Variants in ASCC2 observed in about 807,000 individuals in gnomAD.
ASCC2 encodes activating signal cointegrator 1 complex subunit 2, also known as ASC-1 complex subunit P100.
In ASCC2, 42 loss-of-function variants were observed where a neutral mutation model predicts 93.5. The observed-to-expected ratio is 0.45, with a 90% confidence interval of 0.35 to 0.58. The LOEUF (loss-of-function observed/expected upper bound fraction) is 0.58. ASCC2 is among the 20% of genes least tolerant of loss of function. ASCC2 has a pLI of 0.00. For synonymous variants in ASCC2, 364 were observed against 384.2 expected (o/e 0.95, Z 0.62); for missense variants, 859 against 977.6 (o/e 0.88, Z 1.62).
chr22:29,789,316 A>G, intron 19 of ASCC2, 132 bp from the exon 20 acceptor site: 1 of 1,081,952 alleles, frequency 9.2e-7, no homozygotes, highest in Non-Finnish European at 1.4e-6. Flanking sequence ...TCCCAACTTC[A>G]GATGGAAGGA....
rs771531535 is a variant in ASCC2, at chr22:29,802,216, G to A, written c.1354-8C>T. On this transcript the variant is annotated splice_region_variant and splice_polypyrimidine_tract_variant and intron_variant, in intron 13 of 19. Coordinates refer to ENST00000307790, the MANE Select transcript of ASCC2 (RefSeq NM_032204.5). ...CGCGGCTGCTCCCATGCACTGTAGT[G>A]AGAGCCAGAGCCAAGAAGGGGAAGG... The A allele has an allele frequency of 3.1e-6, 5 of 1,613,622 alleles. No individual in the cohort carries two copies. In the Admixed American group the frequency reaches 5.0e-5, roughly 16 times the overall value.
intron 15 of ASCC2, among the ~76,000 whole-genome samples, chr22:29,793,901 GTT>G (rs1266418835): frequency 6.4e-5 from 9 of 140,094 alleles, no homozygotes; most frequent in Middle Eastern, 3.3e-3. Flanking sequence ...AAGAGCCACT[GTT>G]TTTTTTTTTT....
chr22:29,824,150 C>T (rs2061969582), intron 4 of ASCC2, among the ~76,000 whole-genome samples: 1 of 151,760 alleles, frequency 6.6e-6, no homozygotes, highest in Admixed American at 6.6e-5. Flanking sequence ...GATTGCGCCA[C>T]TGCACTCCAG....
chr22:29,827,505 G>A, intron 2 of ASCC2: 1 of 462,330 alleles, frequency 2.2e-6, no homozygotes, highest in South Asian at 1.6e-5. Context: ...GAGCCTGTGG[G>A]TACCACAAGG....
chr22:29,827,948 GACACAC>G (rs5844874), intron 2 of ASCC2, among the ~76,000 whole-genome samples: 26,333 of 74,290 alleles, frequency 0.35, 7,539 homozygotes, highest in East Asian at 0.58. Flanking sequence ...TCATTCTTCT[GACACAC>G]ACACACACAC....
intron 2 of ASCC2, among the ~76,000 whole-genome samples, chr22:29,828,692 A>G (rs1453522367): frequency 2.6e-5 from 4 of 151,920 alleles, no homozygotes; most frequent in African/African-American, 4.8e-5. Context: ...ACCTCTCTAT[A>G]CCACTTGAAC....
chr22:29,827,410 T>C lies in ASCC2; in HGVS notation c.82-1630A>G, dbSNP rs547329327. ...TCCAGGTCTGTTGATCCAGGGGATA[T>C]AGAAAAATTGAGACTGATAAGAGGT... On this transcript the variant is annotated intron_variant, in intron 2 of 19. Transcript: ENST00000307790. The C allele has an allele frequency of 2.4e-5, 8 of 332,186 alleles. No individual in the cohort carries two copies. In the East Asian group the frequency reaches 4.4e-4, roughly 18 times the overall value. 20.6% of individuals were successfully genotyped at this position (332,186 alleles called of 1,614,324 possible). A position where few individuals can be genotyped will look rare whatever the true frequency, so the allele number is the denominator to read the frequency against.
At chr22:29,836,941 C>T (rs2063869310) in intron 1 of ASCC2, among the ~76,000 whole-genome samples, 1 of 152,236 alleles carries the variant, frequency 6.6e-6, no homozygotes, top group South Asian at 2.1e-4. Context: ...TCCTGCCCTT[C>T]ACAGAGCTTA....
chr22:29,822,698 C>T (rs2061716392), intron 4 of ASCC2, among the ~76,000 whole-genome samples: 1 of 143,086 alleles, frequency 7.0e-6, no homozygotes, highest in African/African-American at 2.6e-5. Flanking sequence ...ACTTTTACAA[C>T]TGGCTGTATT....
At chr22:29,811,702 G>A (rs1374076706) in intron 8 of ASCC2, among the ~76,000 whole-genome samples, 2 of 152,210 alleles carry the variant, frequency 1.3e-5, no homozygotes, top group Non-Finnish European at 2.9e-5. Flanking sequence ...ACCCTGAGAT[G>A]GGTATAGCTT....
intron 8 of ASCC2, among the ~76,000 whole-genome samples, chr22:29,812,812 G>A (rs1479839434): frequency 6.6e-6 from 1 of 151,896 alleles, no homozygotes; most frequent in Non-Finnish European, 1.5e-5. Context: ...CTCCATGTTG[G>A]AGCACTCCTG....
At chr22:29,805,441 C>T (rs992140314) in intron 12 of ASCC2, among the ~76,000 whole-genome samples, 1 of 152,186 alleles carries the variant, frequency 6.6e-6, no homozygotes, top group African/African-American at 2.4e-5. Context: ...CCGAGCCTCA[C>T]GGTGGTCCTG....
intron 8 of ASCC2, among the ~76,000 whole-genome samples, chr22:29,811,888 G>C (rs1268754822): frequency 6.6e-6 from 1 of 152,204 alleles, no homozygotes; most frequent in African/African-American, 2.4e-5. Flanking sequence ...TCTAAGAATA[G>C]TATGATTTCT....
At chr22:29,827,899 GACACACACACAC>G (rs5844872) in intron 2 of ASCC2, among the ~76,000 whole-genome samples, 2 of 39,968 alleles carry the variant, frequency 5.0e-5, no homozygotes, top group East Asian at 7.4e-4. Context: ...TCATTCTTCT[GACACACACACAC>G]ACACACACAC....
intron 1 of ASCC2, among the ~76,000 whole-genome samples, chr22:29,837,494 A>T (rs2063976679): frequency 6.6e-6 from 1 of 152,152 alleles, no homozygotes; most frequent in Non-Finnish European, 1.5e-5. Context: ...ACAAACAATA[A>T]TCATGACTAT....
intron 4 of ASCC2, among the ~76,000 whole-genome samples, chr22:29,823,847 CAA>C (rs773869469): frequency 2.0e-4 from 16 of 81,018 alleles, no homozygotes; most frequent in Admixed American, 4.0e-4. Context: ...AACTCCATCT[CAA>C]AAAAAAAAAA....
chr22:29,791,397 A>C (rs1412683838), intron 18 of ASCC2, among the ~76,000 whole-genome samples: 1 of 151,856 alleles, frequency 6.6e-6, no homozygotes, highest in Admixed American at 6.6e-5. Context: ...AAGAAGAAGA[A>C]GGCTGGGTGT....
chr22:29,795,121 T>C (rs139846745), intron 15 of ASCC2, among the ~76,000 whole-genome samples: 62 of 152,228 alleles, frequency 4.1e-4, no homozygotes, highest in African/African-American at 1.4e-3. Context: ...AGATGGGGTA[T>C]CTGCCATGTT....
chr22:29,828,580 C>T (rs970535413), intron 2 of ASCC2, among the ~76,000 whole-genome samples: 3 of 152,076 alleles, frequency 2.0e-5, no homozygotes, highest in Admixed American at 6.6e-5. Context: ...TCCTTCTGAC[C>T]CCAGTTCCAA....
Sources: gnomAD v4.1 joint callset for allele counts (sites outside exome capture counted in the v4.1 genomes callset) on GRCh38, gnomAD v4.1.1 for gene constraint, MANE v1.5 for transcripts, NCBI Gene and HGNC (gene_info 2026-07-23, HGNC 2026-07-21) for gene names.